The following LRP12 variants were observed in gnomAD, a reference collection of about 807,000 sequenced individuals.
The protein encoded by LRP12 is LDL receptor related protein 12.
LRP12 carries 14 observed loss-of-function variants against 66.0 expected under a neutral mutation model. The ratio of observed to expected loss-of-function variants is 0.21; its 90% CI spans 0.14 to 0.33. The LOEUF (loss-of-function observed/expected upper bound fraction) is 0.33, where lower values mean the gene tolerates loss of function less well. Among genes scored for constraint, LRP12 ranks in the 10% least tolerant of loss-of-function variants. The probability of loss-of-function intolerance (pLI) is 1.00; values close to 1 mark genes in which losing one functional copy is unlikely to be tolerated. For missense variants in LRP12, 889 were observed against 1,053.4 expected, an observed-to-expected ratio of 0.84 and a Z score of 2.16; for synonymous variants, 357 against 359.1, an observed-to-expected ratio of 0.99 and a Z score of 0.07.
chr8:104,549,730 A>G (rs1811699292), intron 1 of LRP12, among the ~76,000 whole-genome samples: 1 of 152,108 alleles, frequency 6.6e-6, no homozygotes, highest in African/African-American at 2.4e-5. Flanking sequence ...GGAGAAAACC[A>G]TATAACTACA....
intron 1 of LRP12, 75 bp from the exon 2 acceptor site, chr8:104,532,038 G>A (rs1811331812): frequency 2.4e-6 from 2 of 840,418 alleles, no homozygotes. Flanking sequence ...CCCTTTAAAA[G>A]AGAAACAACT....
chr8:104,501,475 A>G (rs1306758533), intron 3 of LRP12, among the ~76,000 whole-genome samples: 1 of 152,022 alleles, frequency 6.6e-6, no homozygotes, highest in African/African-American at 2.4e-5. Context: ...TGAGGTGGGC[A>G]GATCACTTGA....
At chr8:104,548,656 T>C (rs1003300119) in intron 1 of LRP12, among the ~76,000 whole-genome samples, 1 of 132,826 alleles carries the variant, frequency 7.5e-6, no homozygotes, top group African/African-American at 2.9e-5. Context: ...ATTATATAAT[T>C]ATTATATAAT....
chr8:104,569,347 T>C (rs1360695799), intron 1 of LRP12, among the ~76,000 whole-genome samples: 1 of 152,166 alleles, frequency 6.6e-6, no homozygotes, highest in African/African-American at 2.4e-5. Context: ...TAGATAGTGG[T>C]GACAGTTGTG....
chr8:104,555,197 A>G (rs918256961), intron 1 of LRP12, among the ~76,000 whole-genome samples: 3 of 152,216 alleles, frequency 2.0e-5, no homozygotes, highest in Non-Finnish European at 4.4e-5. Flanking sequence ...AAGGACCTAT[A>G]AAACACAATG....
chr8:104,539,607 G>T (rs1811443221), intron 1 of LRP12, among the ~76,000 whole-genome samples: 1 of 151,804 alleles, frequency 6.6e-6, no homozygotes, highest in Admixed American at 6.6e-5. Flanking sequence ...TAAGATCAGG[G>T]TTAATATCAT....
intron 2 of LRP12, among the ~76,000 whole-genome samples, chr8:104,511,674 A>G (rs1810999403): frequency 6.6e-6 from 1 of 152,226 alleles, no homozygotes; most frequent in Non-Finnish European, 1.5e-5. Context: ...CCTTATTTCT[A>G]TAGAATAACC....
chr8:104,513,629 G>A (rs2140847157), intron 2 of LRP12, among the ~76,000 whole-genome samples: 1 of 152,170 alleles, frequency 6.6e-6, no homozygotes, highest in Non-Finnish European at 1.5e-5. Flanking sequence ...ACCTGACACT[G>A]ACTACCCAGA....
chr8:104,575,189 G>A (rs1367641702), intron 1 of LRP12, among the ~76,000 whole-genome samples: 2 of 152,168 alleles, frequency 1.3e-5, no homozygotes, highest in African/African-American at 4.8e-5. Flanking sequence ...TGCTTGCAGG[G>A]CACAGAGAAG....
chr8:104,528,911 G>C (rs1014484276), intron 2 of LRP12, among the ~76,000 whole-genome samples: 6 of 152,116 alleles, frequency 3.9e-5, no homozygotes, highest in African/African-American at 1.2e-4. Context: ...CTGTTAGAAA[G>C]ATTTTGTAAG....
intron 2 of LRP12, among the ~76,000 whole-genome samples, chr8:104,517,594 T>C (rs1811091088): frequency 6.6e-6 from 1 of 152,054 alleles, no homozygotes; most frequent in African/African-American, 2.4e-5. Context: ...CAATTTTACT[T>C]TATGAAAGTT....
intron 1 of LRP12, among the ~76,000 whole-genome samples, chr8:104,575,794 G>A (rs1287405408): frequency 6.6e-6 from 1 of 152,060 alleles, no homozygotes; most frequent in Non-Finnish European, 1.5e-5. Context: ...GACAGAAATA[G>A]AAATTTGAAT....
chr8:104,499,209 G>A, intron 4 of LRP12, 108 bp downstream of exon 4: 1 of 813,522 alleles, frequency 1.2e-6, no homozygotes, highest in Non-Finnish European at 1.9e-6. Flanking sequence ...GCTGCCTCAA[G>A]GGCCTACTCC....
intron 2 of LRP12, among the ~76,000 whole-genome samples, chr8:104,525,865 T>C (rs543004464): frequency 5.5e-4 from 84 of 152,240 alleles, no homozygotes; most frequent in African/African-American, 1.8e-3. Context: ...AAAAGGGTAT[T>C]CAATTAGGAA....
At chr8:104,576,983 G>A (rs1036377869) in intron 1 of LRP12, among the ~76,000 whole-genome samples, 3 of 151,972 alleles carry the variant, frequency 2.0e-5, no homozygotes, top group Non-Finnish European at 4.4e-5. Context: ...AACACAGATC[G>A]AAAAAGACAA....
intron 2 of LRP12, among the ~76,000 whole-genome samples, chr8:104,511,435 G>T (rs550502064): frequency 1.3e-5 from 2 of 151,980 alleles, no homozygotes; most frequent in South Asian, 4.2e-4. Context: ...CTACAGCCTT[G>T]AATTCTTGGG....
rs1472658049 is a variant in LRP12, at chr8:104,548,273, AT to A, written c.80-16311del. ...TATATTATATTAATATATGATATATATTATATTAATATATCATATATTTATA... is the reference window on the plus strand; with the variant it reads ...TATATTATATTAATATATGATATATATATATTAATATATCATATATTTATA... On this transcript the variant is annotated intron_variant, in intron 1 of 6. Coordinates refer to ENST00000276654, the MANE Select transcript of LRP12 (RefSeq NM_013437.5). Among the ~76,000 whole-genome samples the A allele has an allele frequency of 2.3e-3, 206 of 89,074 alleles. 2 individuals are homozygous for A. The highest frequency in any genetic ancestry group is 0.013 in the African/African-American group (201 of 16,070). 58.4% of individuals were successfully genotyped at this position (89,074 alleles called of 152,430 possible). A position where few individuals can be genotyped will look rare whatever the true frequency, so the allele number is the denominator to read the frequency against.
chr8:104,533,846 C>T (rs1243650902), intron 1 of LRP12, among the ~76,000 whole-genome samples: 2 of 151,766 alleles, frequency 1.3e-5, no homozygotes, highest in African/African-American at 4.8e-5. Context: ...AATCTTTTTT[C>T]CAGTTTGGTA....
chr8:104,517,783 C>T (rs763354400), intron 2 of LRP12, among the ~76,000 whole-genome samples: 19 of 151,878 alleles, frequency 1.3e-4, no homozygotes, highest in Non-Finnish European at 2.2e-4. Flanking sequence ...GTGTTGAAAA[C>T]TAGTAAGAAG....
Sources: allele counts gnomAD v4.1 joint callset (sites outside exome capture counted in the v4.1 genomes callset), GRCh38; gene constraint gnomAD v4.1.1; transcripts MANE v1.5; gene names NCBI Gene and HGNC (gene_info 2026-07-23, HGNC 2026-07-21).